The following WWP2 variants were observed in gnomAD, a reference collection of about 807,000 sequenced individuals.
The protein encoded by WWP2 is NEDD4-like E3 ubiquitin-protein ligase WWP2.
WWP2 carries 57 observed loss-of-function variants against 121.0 expected under a neutral mutation model. The ratio of observed to expected loss-of-function variants is 0.47; its 90% CI spans 0.38 to 0.59. The LOEUF (loss-of-function observed/expected upper bound fraction) is 0.59, where lower values mean the gene tolerates loss of function less well. Among genes scored for constraint, WWP2 ranks in the 20% least tolerant of loss-of-function variants. The probability of loss-of-function intolerance (pLI) is 0.00; values close to 1 mark genes in which losing one functional copy is unlikely to be tolerated. For missense variants in WWP2, 962 were observed against 1,158.9 expected (o/e 0.83, Z 2.47); for synonymous variants, 449 against 441.3 (o/e 1.02, Z -0.22).
At chr16:69,798,647 A>T in intron 2 of WWP2, 35 bp from the exon 3 acceptor site, 1 of 1,604,484 alleles carries the variant, frequency 6.2e-7, no homozygotes, top group Non-Finnish European at 8.5e-7. Flanking sequence ...GAGCCCTGGG[A>T]CTCATCTTTG....
rs1198273553 is a variant in WWP2 at position 69,940,301 on chromosome 16, C to T, written c.*361C>T. 2 of 231,158 alleles carry T rather than the reference C, an allele frequency of 8.7e-6. No individual in the cohort carries two copies. The highest frequency in any genetic ancestry group is 1.0e-4 in the Admixed American group (2 of 19,580). 14.3% of individuals were successfully genotyped at this position (231,158 alleles called of 1,614,324 possible). A position where few individuals can be genotyped will look rare whatever the true frequency, so the allele number is the denominator to read the frequency against. ...AGGGGCTGCCGCAGAGGCCGGAGACCTCCTGGACTAGTTCGGCGAGGAGAC... is the reference window on the plus strand; with the variant it reads ...AGGGGCTGCCGCAGAGGCCGGAGACTTCCTGGACTAGTTCGGCGAGGAGAC... On this transcript the variant is annotated 3_prime_UTR_variant, in exon 24 of 24. Transcript: ENST00000359154.
chr16:69,812,606 T>C (rs2056416674), intron 4 of WWP2, among the ~76,000 whole-genome samples: 1 of 151,688 alleles, frequency 6.6e-6, no homozygotes, highest in South Asian at 2.1e-4. Context: ...AGCCTCTTAG[T>C]TGAGACCACA....
intron 9 of WWP2, among the ~76,000 whole-genome samples, chr16:69,915,030 G>T (rs2058458786): frequency 6.6e-6 from 1 of 152,184 alleles, no homozygotes; most frequent in African/African-American, 2.4e-5. Flanking sequence ...GGCAAGTCAG[G>T]TCAAGGACAC....
chr16:69,940,975 T>C lies in WWP2; in HGVS notation c.*1035T>C, dbSNP rs2058872781. 6.6e-6 allele frequency: 1 copy of C among 152,446 alleles called. No homozygotes were observed. Among genetic ancestry groups the C allele is most frequent in the Non-Finnish European group, 1.5e-5 (1 of 67,886 alleles). 9.4% of individuals were successfully genotyped at this position (152,446 alleles called of 1,614,324 possible). ...CAGTGGCGGGACACAGGGGTCCGGCTGTGGAGCTCCCCTGCCAGCCCCTGG... is the reference window on the plus strand; with the variant it reads ...CAGTGGCGGGACACAGGGGTCCGGCCGTGGAGCTCCCCTGCCAGCCCCTGG... On this transcript the variant is annotated 3_prime_UTR_variant, in exon 24 of 24. Transcript: ENST00000359154.
chr16:69,799,029 G>A lies in WWP2; in HGVS notation c.219-145G>A. On this transcript the variant is annotated intron_variant, in intron 3 of 23. Coordinates refer to ENST00000359154, the MANE Select transcript of WWP2 (RefSeq NM_001270454.2). This position sits in a 1 kb window ranked among gnomAD's most constrained non-coding sequence, Gnocchi z 4.5. ...TATTATCTAGAGGGTTACAGGGTCA[G>A]CTTTGAGAGGGGAAAGGATATATGT... The A allele has an allele frequency of 3.6e-6, 5 of 1,384,428 alleles. No individual in the cohort carries two copies. Among genetic ancestry groups the A allele is most frequent in the African/African-American group, 1.4e-5 (1 of 69,054 alleles). 85.8% of individuals were successfully genotyped at this position (1,384,428 alleles called of 1,614,324 possible).
At chr16:69,911,895 C>T (rs907765279) in intron 9 of WWP2, among the ~76,000 whole-genome samples, 1 of 152,290 alleles carries the variant, frequency 6.6e-6, no homozygotes, top group African/African-American at 2.4e-5. Flanking sequence ...ATGAAACCCA[C>T]ACCTGCAGGA....
chr16:69,779,535 G>A (rs2055618740), intron 1 of WWP2, among the ~76,000 whole-genome samples: 1 of 152,082 alleles, frequency 6.6e-6, no homozygotes, highest in African/African-American at 2.4e-5. Context: ...TTTTAGTTTT[G>A]CGGCCCTGAA....
chr16:69,769,112 A>C (rs2055359385), intron 1 of WWP2, among the ~76,000 whole-genome samples: 1 of 152,100 alleles, frequency 6.6e-6, no homozygotes, highest in Admixed American at 6.6e-5. Flanking sequence ...AGGTCAGGAG[A>C]TCGAGACCAT....
intron 9 of WWP2, among the ~76,000 whole-genome samples, chr16:69,913,545 C>A (rs117961924): frequency 1.3e-5 from 2 of 151,630 alleles, no homozygotes; most frequent in East Asian, 1.9e-4. Flanking sequence ...AACAAACAGC[C>A]AAAGATGAGC....
rs767862694 is a variant in WWP2, at chr16:69,936,352, A to C, written c.2017A>C (p.Ile673Leu). 6.2e-7 allele frequency: 1 copy of C among 1,614,096 alleles called. No homozygotes were observed. The highest frequency in any genetic ancestry group is 8.5e-7 in the Non-Finnish European group (1 of 1,180,020). Residue 673 changes from isoleucine (I) to leucine (L), a missense_variant, in exon 19 of 24, where the codon ATC (isoleucine) becomes CTC (leucine). Physicochemically the swap from Ile to Leu is conservative, Grantham distance 5. Coordinates refer to ENST00000359154, the MANE Select transcript of WWP2 (RefSeq NM_001270454.2). ...AGAATGTGGCCTGGAGCTGTACTTC[A>C]TCCAGGACATGGAGATACTGGGCAA... is the stretch of plus-strand genomic sequence containing the variant. ...LEECGLELYFIQDMEILGKVT... is the reference protein window; with the variant it reads ...LEECGLELYFLQDMEILGKVT...
Position 69,935,802 on chromosome 16 carries a change from G to C in WWP2, c.1843-51G>C, listed in dbSNP as rs982292702. ...TACCGAGCATCTGAGAGCTGGTCTTGGCAGTGCCCAGGGAAGGCCAAACCT... is the reference window on the plus strand; with the variant it reads ...TACCGAGCATCTGAGAGCTGGTCTTCGCAGTGCCCAGGGAAGGCCAAACCT... On this transcript the variant is annotated intron_variant, in intron 17 of 23. Coordinates refer to ENST00000359154, the MANE Select transcript of WWP2 (RefSeq NM_001270454.2). The surrounding 1 kb of genome is among the most constrained non-coding windows in gnomAD (Gnocchi z 5.2). 25 of 1,569,502 alleles carry C rather than the reference G, an allele frequency of 1.6e-5. No homozygotes were observed. The highest frequency in any genetic ancestry group is 2.0e-5 in the Non-Finnish European group (23 of 1,160,652).
intron 16 of WWP2, 81 bp downstream of exon 16, chr16:69,931,971 C>A: frequency 2.3e-6 from 3 of 1,321,306 alleles, no homozygotes; most frequent in East Asian, 4.6e-5. Flanking sequence ...GCTGCCTGCC[C>A]CCTGCTCACA....
chr16:69,883,833 C>G (rs1483229638), intron 7 of WWP2, among the ~76,000 whole-genome samples: 1 of 152,110 alleles, frequency 6.6e-6, no homozygotes, highest in Non-Finnish European at 1.5e-5. Context: ...CTGGAGGGAA[C>G]CTTCCTAACT....
At chr16:69,843,115 C>T (rs945318710) in intron 6 of WWP2, among the ~76,000 whole-genome samples, 3 of 151,862 alleles carry the variant, frequency 2.0e-5, no homozygotes, top group Admixed American at 6.6e-5. Context: ...TTTGTATGTC[C>T]GGGGCTGCAG....
chr16:69,909,010 C>T, intron 9 of WWP2, 160 bp downstream of exon 9: 1 of 1,438,182 alleles, frequency 7.0e-7, no homozygotes. Context: ...TAATATTGCT[C>T]CCATGTCTTA....
rs140645449 is a variant in WWP2, at chr16:69,870,548, G to A, written c.576-1256G>A. 3.0e-4 allele frequency among the ~76,000 whole-genome samples: 45 copies of A among 152,214 alleles called. No individual in the cohort carries two copies. In the East Asian group the frequency reaches 6.2e-3, roughly 21 times the overall value. The stretch of plus-strand genomic sequence containing the variant: ...ACTCCTGGGCTCAAGTGATCCTCCC[G>A]CCTTGGCCTCCCAAAGTGTTAGGAT... On this transcript the variant is annotated intron_variant, in intron 6 of 23. Coordinates refer to ENST00000359154, the MANE Select transcript of WWP2 (RefSeq NM_001270454.2).
intron 9 of WWP2, among the ~76,000 whole-genome samples, chr16:69,911,454 G>A (rs1188570049): frequency 6.6e-6 from 1 of 152,174 alleles, no homozygotes; most frequent in Non-Finnish European, 1.5e-5. Context: ...CCTGCATATG[G>A]GAAGGGAAAG....
intron 4 of WWP2, among the ~76,000 whole-genome samples, chr16:69,825,922 C>T (rs1053939832): frequency 1.3e-5 from 2 of 152,050 alleles, no homozygotes; most frequent in African/African-American, 4.8e-5. Flanking sequence ...CCACACCCTG[C>T]CTGGAAAATA....
intron 7 of WWP2, among the ~76,000 whole-genome samples, chr16:69,876,948 A>G (rs147256694): frequency 5.3e-5 from 8 of 152,218 alleles, no homozygotes; most frequent in African/African-American, 1.9e-4. Context: ...CATTTATAAA[A>G]CACAAGCAGA....
Sources: allele counts gnomAD v4.1 joint callset (sites outside exome capture counted in the v4.1 genomes callset), GRCh38; gene constraint gnomAD v4.1.1; non-coding constraint Gnocchi (gnomAD v3.1); transcripts MANE v1.5; gene names NCBI Gene and HGNC (gene_info 2026-07-23, HGNC 2026-07-21).